Variants in FBXO4 observed in about 807,000 individuals in gnomAD.
FBXO4 encodes F-box only protein 4.
A neutral mutation model predicts 43.7 loss-of-function variants in FBXO4; 36 were observed. The ratio of observed to expected loss-of-function variants is 0.82; its 90% CI spans 0.63 to 1.09. FBXO4 has a LOEUF of 1.09. FBXO4 is among the 50% of genes least tolerant of loss of function. FBXO4 has a pLI of 0.00. For synonymous variants in FBXO4, 180 were observed against 165.6 expected, an observed-to-expected ratio of 1.09 and a Z score of -0.67; for missense variants, 435 against 474.1, an observed-to-expected ratio of 0.92 and a Z score of 0.77.
chr5:41,997,878 C>A, the FBXO4 span, among the ~76,000 whole-genome samples: 1 of 152,100 alleles, frequency 6.6e-6, no homozygotes, highest in Non-Finnish European at 1.5e-5. Context: ...CAAGGGGACC[C>A]AGCCTCCCCT....
At chr5:42,020,770 T>C in the FBXO4 span, among the ~76,000 whole-genome samples, 1 of 152,124 alleles carries the variant, frequency 6.6e-6, no homozygotes, top group Admixed American at 6.6e-5. Flanking sequence ...CCACTAGCCA[T>C]AAGGAGGCTG....
At chr5:42,023,427 G>A in the FBXO4 span, among the ~76,000 whole-genome samples, 2 of 152,010 alleles carry the variant, frequency 1.3e-5, no homozygotes, top group East Asian at 1.9e-4. Context: ...TTGGGCAAAC[G>A]ATGAACTCTG....
chr5:42,027,670 G>A, the FBXO4 span, among the ~76,000 whole-genome samples: 4 of 151,674 alleles, frequency 2.6e-5, no homozygotes, highest in Admixed American at 1.3e-4. Context: ...TTTTGATGTA[G>A]GCACTGATAA....
chr5:42,034,911 G>T, the FBXO4 span, among the ~76,000 whole-genome samples: 3 of 152,070 alleles, frequency 2.0e-5, no homozygotes, highest in African/African-American at 7.2e-5. Context: ...AATGTCAATC[G>T]TAGTTTAATG....
chr5:42,032,400 C>G, the FBXO4 span, among the ~76,000 whole-genome samples: 1 of 152,126 alleles, frequency 6.6e-6, no homozygotes, highest in East Asian at 1.9e-4. Flanking sequence ...CAGAAGTCTA[C>G]TTGGTGTTCT....
the FBXO4 span, among the ~76,000 whole-genome samples, chr5:41,981,821 C>T: frequency 1.3e-5 from 2 of 150,664 alleles, no homozygotes; most frequent in Non-Finnish European, 3.0e-5. Flanking sequence ...CTTATGTATA[C>T]ATGTGCCATG....
chr5:41,944,640 G>T (rs144234754), downstream of FBXO4, among the ~76,000 whole-genome samples: 50 of 152,328 alleles, frequency 3.3e-4, no homozygotes, highest in African/African-American at 1.1e-3. Flanking sequence ...ATATTTAGCA[G>T]TCATAGGAAA....
chr5:42,021,629 T>G, the FBXO4 span, among the ~76,000 whole-genome samples: 6 of 152,160 alleles, frequency 3.9e-5, no homozygotes, highest in Non-Finnish European at 7.4e-5. Flanking sequence ...TTCCAATCTA[T>G]AGGTTAAACA....
chr5:42,020,418 A>G, the FBXO4 span, among the ~76,000 whole-genome samples: 2 of 152,330 alleles, frequency 1.3e-5, no homozygotes, highest in South Asian at 4.1e-4. Flanking sequence ...CTAGATAAAT[A>G]CAGAGTGAAT....
chr5:41,946,422 CTT>C (rs1752078123), downstream of FBXO4, among the ~76,000 whole-genome samples: 8 of 152,260 alleles, frequency 5.3e-5, no homozygotes, highest in South Asian at 1.4e-3. Context: ...CATATTAAAA[CTT>C]TTTTAGCTGG....
chr5:41,995,748 C>G, the FBXO4 span, among the ~76,000 whole-genome samples: 1 of 152,194 alleles, frequency 6.6e-6, no homozygotes, highest in East Asian at 1.9e-4. Flanking sequence ...CATACCTCTT[C>G]CCCTTTCTTT....
At chr5:42,036,368 A>T in the FBXO4 span, among the ~76,000 whole-genome samples, 1 of 152,126 alleles carries the variant, frequency 6.6e-6, no homozygotes, top group Admixed American at 6.6e-5. Context: ...AGGTATCAGC[A>T]AACTAGTACC....
the FBXO4 span, among the ~76,000 whole-genome samples, chr5:41,999,465 G>GTATA: frequency 8.1e-3 from 530 of 65,086 alleles, 9 homozygotes; most frequent in Admixed American, 0.072. Context: ...GTGTGTGTGT[G>GTATA]TATATATATA....
chr5:41,943,323 C>T (rs185580683), downstream of FBXO4, among the ~76,000 whole-genome samples: 183 of 152,218 alleles, frequency 1.2e-3, 1 homozygote, highest in Non-Finnish European at 2.0e-3. Context: ...GTTATGCATG[C>T]AACCTCTGGA....
the FBXO4 span, among the ~76,000 whole-genome samples, chr5:42,020,738 G>A: frequency 1.3e-5 from 2 of 152,148 alleles, no homozygotes; most frequent in Non-Finnish European, 2.9e-5. Flanking sequence ...TGTCTCATGG[G>A]CCAGAACCGG....
the FBXO4 span, among the ~76,000 whole-genome samples, chr5:41,995,161 C>T: frequency 6.6e-6 from 1 of 152,342 alleles, no homozygotes; most frequent in East Asian, 1.9e-4. Flanking sequence ...CACTGCCACA[C>T]TTCTTTAGCC....
the FBXO4 span, among the ~76,000 whole-genome samples, chr5:41,998,996 T>C: frequency 1.3e-5 from 2 of 151,836 alleles, no homozygotes; most frequent in African/African-American, 4.8e-5. Flanking sequence ...ACCAGCTTCA[T>C]TACGTTCCTT....
the FBXO4 span, among the ~76,000 whole-genome samples, chr5:41,975,611 G>A: frequency 6.6e-5 from 10 of 152,042 alleles, no homozygotes; most frequent in Non-Finnish European, 7.3e-5. Flanking sequence ...TCAATAGTAA[G>A]TAATAAGCTG....
the FBXO4 span, among the ~76,000 whole-genome samples, chr5:42,000,889 T>A: frequency 1.3e-5 from 2 of 152,190 alleles, no homozygotes; most frequent in East Asian, 3.8e-4. Flanking sequence ...TGACTGTAAA[T>A]GTGTGTTCTT....
Sources: allele counts gnomAD v4.1 joint callset (sites outside exome capture counted in the v4.1 genomes callset), GRCh38; gene constraint gnomAD v4.1.1; transcripts MANE v1.5; gene names NCBI Gene and HGNC (gene_info 2026-07-23, HGNC 2026-07-21).